Variants in ZNF280D observed in about 807,000 individuals in gnomAD.
The protein encoded by ZNF280D is suppressor of hairy wing homolog 4.
A neutral mutation model predicts 94.7 loss-of-function variants in ZNF280D; 39 were observed. That is an observed-to-expected ratio of 0.41 (90% CI 0.32 to 0.54). The LOEUF (loss-of-function observed/expected upper bound fraction) is 0.54. Ranked by LOEUF, ZNF280D falls within the 20% of genes least tolerant of loss-of-function variation. ZNF280D has a pLI of 0.22. For missense variants in ZNF280D, 1,090 were observed against 1,149.3 expected (o/e 0.95, Z 0.75); for synonymous variants, 398 against 377.6 (o/e 1.05, Z -0.63).
rs1295877562 is a variant in ZNF280D, at chr15:56,677,999, TTTTC to T, written c.1163-329_1163-326del. Reference sequence around the variant, plus strand: ...AGCTATCTTGCTCCAACATCTGTAATTTTCTTTCTTTTTTTTTTTTTTTTTGGAG... The same window carrying T: ...AGCTATCTTGCTCCAACATCTGTAATTTTCTTTTTTTTTTTTTTTTTGGAG... On this transcript the variant is annotated intron_variant, in intron 11 of 21. Transcript: ENST00000267807. Among the ~76,000 whole-genome samples the T allele has an allele frequency of 1.1e-3, 174 of 151,686 alleles. 2 individuals carry two copies. The highest frequency in any genetic ancestry group is 0.01 in the Middle Eastern group (3 of 294).
In ZNF280D at chr15:56,632,060, C is replaced by G. The variant is rs766769562; in HGVS notation, c.2378G>C (p.Gly793Ala). 33 of 1,606,890 alleles carry G rather than the reference C, an allele frequency of 2.1e-5. No individual in the cohort carries two copies. The highest frequency in any genetic ancestry group is 2.7e-5 in the Non-Finnish European group (32 of 1,176,980). ...TTCTTCACTTTTTGTTGTTGATGAGCCTTCAAATGAATTTGCATTACATCC... is the reference window on the plus strand; with the variant it reads ...TTCTTCACTTTTTGTTGTTGATGAGGCTTCAAATGAATTTGCATTACATCC... Reference protein sequence around the residue: ...KNGCNANSFEGSSTTKSEESI... With the variant: ...KNGCNANSFEASSTTKSEESI... Residue 793 changes from glycine to alanine, a missense_variant, in exon 22 of 22, where the codon GGC (glycine) becomes GCC (alanine). By Grantham distance (60) the Gly-to-Ala change is moderately conservative. This residue lies in a region of ZNF280D where 577 missense variants were observed against 568.8 expected (regional missense o/e 1.01). Transcript: ENST00000267807.
intron 12 of ZNF280D, 43 bp downstream of exon 12, chr15:56,677,531 A>G (rs201430234): frequency 7.7e-5 from 111 of 1,438,132 alleles, no homozygotes; most frequent in Non-Finnish European, 9.9e-5. Context: ...CCAAAACAAC[A>G]AACAAACCAA....
intron 12 of ZNF280D, among the ~76,000 whole-genome samples, 181 bp from the exon 13 acceptor site, chr15:56,676,997 G>A (rs1017667039): frequency 6.6e-6 from 1 of 152,112 alleles, no homozygotes; most frequent in African/African-American, 2.4e-5. Context: ...GACATTAAAC[G>A]TAGCTTTCAA....
At position 56,631,765 on chromosome 15, in the gene ZNF280D, T is replaced by C. The variant is rs1441129918; in HGVS notation, c.2673A>G (p.Val891=). The part of the protein sequence containing the change: ...IKDLRLASDN[V]SIDQFLRKRH... ...TTTTTCTCAAAAACTGATCAATGCT[T>C]ACATTATCTGATGCTAATCGCAAAT... The change falls in exon 22 of 22, where the codon GTA becomes GTG. Residue 891 remains valine, a synonymous_variant. Transcript: ENST00000267807. 1 of 1,614,186 alleles carries C rather than the reference T, an allele frequency of 6.2e-7. No individual in the cohort carries two copies. Among genetic ancestry groups the C allele is most frequent in the East Asian group, 2.2e-5 (1 of 44,874 alleles).
At chr15:56,715,006 A>T (rs1242043931) in intron 1 of ZNF280D, among the ~76,000 whole-genome samples, 1 of 152,164 alleles carries the variant, frequency 6.6e-6, no homozygotes, top group Non-Finnish European at 1.5e-5. Flanking sequence ...TGCTATAATT[A>T]TAAAAACTAA....
rs1394409338 is a variant in ZNF280D, at chr15:56,694,352, T to C, written c.382-1137A>G. On this transcript the variant is annotated intron_variant, in intron 6 of 21. Transcript: ENST00000267807. ...ACACACACACACAAGTATACTCCAA[T>C]ACCATTAATACTTCTAAAAGATACT... is the stretch of plus-strand genomic sequence containing the variant. Among the ~76,000 whole-genome samples the C allele has an allele frequency of 2.7e-5, 4 of 146,644 alleles. No individual in the cohort carries two copies. In the East Asian group the frequency reaches 8.2e-4, roughly 30 times the overall value.
intron 4 of ZNF280D, among the ~76,000 whole-genome samples, chr15:56,701,705 C>T (rs1041111711): frequency 1.2e-4 from 18 of 152,050 alleles, no homozygotes; most frequent in African/African-American, 4.3e-4. Flanking sequence ...TGCATTCACT[C>T]GTCTAAAAGC....
intron 6 of ZNF280D, among the ~76,000 whole-genome samples, chr15:56,695,149 T>C (rs533462991): frequency 6.6e-6 from 1 of 152,260 alleles, no homozygotes; most frequent in Admixed American, 6.5e-5. Flanking sequence ...CTCCGCTCAC[T>C]GCAACCTCTG....
chr15:56,672,753 C>T (rs532484854), intron 13 of ZNF280D, among the ~76,000 whole-genome samples: 2 of 152,074 alleles, frequency 1.3e-5, no homozygotes, highest in South Asian at 4.2e-4. Context: ...CAGTTACTGG[C>T]ATACAGCAAG....
At position 56,630,898 on chromosome 15, in the gene ZNF280D, A is replaced by C. The variant is rs1237241708; in HGVS notation, c.*600T>G. On this transcript the variant is annotated 3_prime_UTR_variant, in exon 22 of 22. Transcript: ENST00000267807. Reference sequence around the variant, plus strand: ...ACAAAGATTCAAATATTCTGTTTACATGCGTCTGACTGGAATGTTATATTA... The same window carrying C: ...ACAAAGATTCAAATATTCTGTTTACCTGCGTCTGACTGGAATGTTATATTA... 1.3e-5 allele frequency: 2 copies of C among 152,366 alleles called. No individual in the cohort carries two copies. The highest frequency in any genetic ancestry group is 1.3e-4 in the Admixed American group (2 of 15,284). 9.4% of individuals were successfully genotyped at this position (152,366 alleles called of 1,614,324 possible).
chr15:56,710,937 A>G (rs1471203844), intron 1 of ZNF280D, among the ~76,000 whole-genome samples: 2 of 152,202 alleles, frequency 1.3e-5, no homozygotes, highest in South Asian at 2.1e-4. Context: ...CGCACTAGAA[A>G]CCAGGAGAAC....
chr15:56,689,179 C>T, intron 8 of ZNF280D, 29 bp from the exon 9 acceptor site: 1 of 1,582,106 alleles, frequency 6.3e-7, no homozygotes. Context: ...ATTTATGACT[C>T]AAAATTCATC....
At chr15:56,696,109 G>C (rs563771446) in intron 6 of ZNF280D, among the ~76,000 whole-genome samples, 4 of 152,260 alleles carry the variant, frequency 2.6e-5, no homozygotes, top group Non-Finnish European at 5.9e-5. Flanking sequence ...ACTAATCCTA[G>C]AATTTGAGGC....
chr15:56,647,492 G>A (rs1233311872), intron 19 of ZNF280D, among the ~76,000 whole-genome samples: 2 of 152,088 alleles, frequency 1.3e-5, no homozygotes, highest in African/African-American at 2.4e-5. Flanking sequence ...CCTGCCTCTT[G>A]TGTATCTCAT....
chr15:56,654,729 A>G, intron 17 of ZNF280D: 1 of 568,066 alleles, frequency 1.8e-6, no homozygotes, highest in East Asian at 4.1e-5. Flanking sequence ...TTACACTTTT[A>G]CCTGTCATAC....
At chr15:56,642,311 G>A (rs1025022301) in intron 20 of ZNF280D, among the ~76,000 whole-genome samples, 2 of 151,668 alleles carry the variant, frequency 1.3e-5, no homozygotes, top group African/African-American at 2.4e-5. Context: ...TATATTATGC[G>A]CCATTCAAGA....
chr15:56,692,630 G>A (rs544755122), intron 7 of ZNF280D, among the ~76,000 whole-genome samples: 1 of 152,022 alleles, frequency 6.6e-6, no homozygotes, highest in South Asian at 2.1e-4. Flanking sequence ...TTTATTTATT[G>A]TTGGGAGTTT....
At chr15:56,669,877 ATATATATATAT>A (rs1173276551) in intron 13 of ZNF280D, among the ~76,000 whole-genome samples, 139 of 8,208 alleles carry the variant, frequency 0.017, 20 homozygotes, top group African/African-American at 0.034. Context: ...TATATTTTAT[ATATATATATAT>A]TATATATATA....
intron 9 of ZNF280D, among the ~76,000 whole-genome samples, chr15:56,684,839 C>T (rs1266701361): frequency 6.6e-6 from 1 of 152,096 alleles, no homozygotes; most frequent in East Asian, 1.9e-4. Context: ...TTCAAATAAA[C>T]TGTGCTAAAT....
Sources: allele counts gnomAD v4.1 joint callset (sites outside exome capture counted in the v4.1 genomes callset), GRCh38; gene constraint gnomAD v4.1.1; regional missense constraint gnomAD v4.1.1; transcripts MANE v1.5; gene names NCBI Gene and HGNC (gene_info 2026-07-23, HGNC 2026-07-21).